The following PRKCH variants were observed in gnomAD, a reference collection of about 807,000 sequenced individuals.
PRKCH encodes protein kinase C eta.
Under a neutral mutation model 82.5 loss-of-function variants are expected in PRKCH, and 28 were observed. The observed-to-expected ratio is 0.34, with a 90% confidence interval of 0.25 to 0.47. The LOEUF (loss-of-function observed/expected upper bound fraction) is 0.47, where lower values mean the gene tolerates loss of function less well. Ranked by LOEUF, PRKCH falls within the 20% of genes least tolerant of loss-of-function variation. PRKCH has a pLI of 1.00. For synonymous variants in PRKCH, 322 were observed against 327.4 expected (o/e 0.98, Z 0.18); for missense variants, 705 against 881.8 (o/e 0.80, Z 2.54).
intron 9 of PRKCH, among the ~76,000 whole-genome samples, chr14:61,462,534 G>GCATT (rs1329942787): frequency 1.3e-5 from 2 of 152,208 alleles, no homozygotes; most frequent in African/African-American, 4.8e-5. Context: ...TGCTCGCTGT[G>GCATT]CATTCGTCTG....
chr14:61,547,988 C>G, intron 13 of PRKCH, 102 bp downstream of exon 13: 1 of 1,472,312 alleles, frequency 6.8e-7, no homozygotes, highest in Non-Finnish European at 9.2e-7. Context: ...GGTGACAGAC[C>G]AGAAATTCAG....
intron 2 of PRKCH, among the ~76,000 whole-genome samples, chr14:61,433,043 C>CAAAGAAAAAAAAAA (rs1883490904): frequency 9.0e-6 from 1 of 110,968 alleles, no homozygotes; most frequent in African/African-American, 3.7e-5. Context: ...CCAACCTCTT[C>CAAAGAAAAAAAAAA]AAAAAAAAAA....
intron 5 of PRKCH, 90 bp downstream of exon 5, chr14:61,449,342 C>T: frequency 8.9e-7 from 1 of 1,123,888 alleles, no homozygotes; most frequent in Non-Finnish European, 1.3e-6. Flanking sequence ...CTCCTTTCCT[C>T]CCCCTCTTTT....
intron 1 of PRKCH, chr14:61,278,834 A>G (rs999125188): frequency 6.6e-6 from 1 of 152,222 alleles, no homozygotes; most frequent in African/African-American, 2.4e-5. Flanking sequence ...AATCTTAAGA[A>G]TCTAGTTTAC....
At chr14:61,455,409 C>T (rs1009126823) in intron 7 of PRKCH, among the ~76,000 whole-genome samples, 1 of 152,128 alleles carries the variant, frequency 6.6e-6, no homozygotes, top group African/African-American at 2.4e-5. Flanking sequence ...ACTAAATCAG[C>T]AATGACTGTT....
chr14:61,456,798 G>T (rs1356609892), intron 7 of PRKCH: 2 of 180,002 alleles, frequency 1.1e-5, no homozygotes, highest in Non-Finnish European at 1.2e-5. Context: ...GTAGACATGA[G>T]AACTGCTCTC....
chr14:61,389,704 A>AG (rs2046645608), intron 1 of PRKCH, among the ~76,000 whole-genome samples: 2 of 152,006 alleles, frequency 1.3e-5, no homozygotes, highest in African/African-American at 4.8e-5. Context: ...GTCTCAAAAA[A>AG]AAAAAAAAAG....
intron 10 of PRKCH, chr14:61,525,034 G>T (rs2042948863): frequency 6.6e-6 from 1 of 152,290 alleles, no homozygotes; most frequent in African/African-American, 2.4e-5. Flanking sequence ...AAATGCTTCT[G>T]TTTATCCCTT....
Position 61,331,544 on chromosome 14 carries a change from C to A in PRKCH, c.363+9080C>A, listed in dbSNP as rs115370502. Among the ~76,000 whole-genome samples the A allele has an allele frequency of 9.2e-3, 1,396 of 152,038 alleles. 25 individuals are homozygous for A. Among genetic ancestry groups the A allele is most frequent in the African/African-American group, 0.03 (1,247 of 41,482 alleles). On this transcript the variant is annotated intron_variant, in intron 1 of 13. Transcript: ENST00000332981. ...TCAAAAAAAGAAACAACAACAACAA[C>A]AAAAAAACCCCTCTTTTTATTTCGT...
intron 1 of PRKCH, among the ~76,000 whole-genome samples, chr14:61,282,648 A>G: frequency 6.6e-6 from 1 of 152,192 alleles, no homozygotes; most frequent in Non-Finnish European, 1.5e-5. Context: ...AGCCAATAAT[A>G]GCTATGAATC....
At chr14:61,277,396 A>G (rs1191730210) in intron 1 of PRKCH, 1 of 152,070 alleles carries the variant, frequency 6.6e-6, no homozygotes, top group Non-Finnish European at 1.5e-5. Context: ...TTATTTTACA[A>G]AGTTAGGTCA....
chr14:61,484,385 G>A (rs1019905052), intron 9 of PRKCH, among the ~76,000 whole-genome samples: 6 of 148,556 alleles, frequency 4.0e-5, no homozygotes, highest in Non-Finnish European at 7.4e-5. Context: ...ATGGGATCCC[G>A]GCTCCGAACT....
rs1177330807 is a variant in PRKCH at position 61,322,250 on chromosome 14, ACCAGGTGCGCGTGGG to A, written c.154_168del (p.Val52_Gln56del). On this transcript the variant is annotated inframe_deletion, in exon 1 of 14. Transcript: ENST00000332981. ...GACCCCTATCTGACGGTGAGCGTGG[ACCAGGTGCGCGTGGG>A]CCAGACCAGCACCAAGCAGAAGACC... is the stretch of plus-strand genomic sequence containing the variant. 6.2e-7 allele frequency: 1 copy of A among 1,613,186 alleles called. No individual in the cohort carries two copies. The highest frequency in any genetic ancestry group is 8.5e-7 in the Non-Finnish European group (1 of 1,179,854).
intron 1 of PRKCH, among the ~76,000 whole-genome samples, chr14:61,288,971 C>T (rs2045338201): frequency 6.6e-6 from 1 of 152,240 alleles, no homozygotes; most frequent in African/African-American, 2.4e-5. Context: ...GCTCCCTTCT[C>T]TCTGCATTGT....
intron 10 of PRKCH, among the ~76,000 whole-genome samples, chr14:61,516,824 C>T (rs1232776591): frequency 1.3e-5 from 2 of 152,148 alleles, no homozygotes; most frequent in Non-Finnish European, 2.9e-5. Context: ...CCAGACCTGA[C>T]CTTAGAGTTT....
At chr14:61,243,716 T>C (rs1251652251) in intron 1 of PRKCH, among the ~76,000 whole-genome samples, 1 of 152,204 alleles carries the variant, frequency 6.6e-6, no homozygotes, top group Non-Finnish European at 1.5e-5. Flanking sequence ...TCATTTGTTA[T>C]CTGTAAGGAG....
At position 61,280,539 on chromosome 14, in the gene PRKCH, G is replaced by T. The variant is rs779365636; in HGVS notation, c.-19+92871G>T. ...CCAGCGGCGGGTTGCGGAACTTGAC[G>T]TGGTAGTCGGTCCACCAGGCGATGC... On this transcript the variant is annotated intron_variant, in intron 1 of 3. Transcript: ENST00000555185. This position sits in a 1 kb window ranked among gnomAD's most constrained non-coding sequence, Gnocchi z 5.0. 1.8e-5 allele frequency: 29 copies of T among 1,611,878 alleles called. No individual in the cohort carries two copies. The highest frequency in any genetic ancestry group is 2.5e-5 in the Non-Finnish European group (29 of 1,179,374).
At chr14:61,325,666 A>G (rs2045685776) in intron 1 of PRKCH, among the ~76,000 whole-genome samples, 1 of 152,228 alleles carries the variant, frequency 6.6e-6, no homozygotes, top group African/African-American at 2.4e-5. Context: ...AAGAAAATAA[A>G]AACCCAAGCC....
rs757220300 is a variant in PRKCH at position 61,339,622 on chromosome 14, CTTTTTT to C, written c.363+17177_363+17182del. ...ACAGGCGTGAGCCACCAAGCCCGGC[CTTTTTT>C]TTTTTTTTTTTTTTTTTTATAATTA... is the stretch of plus-strand genomic sequence containing the variant. On this transcript the variant is annotated intron_variant, in intron 1 of 13. Transcript: ENST00000332981. Among the ~76,000 whole-genome samples the C allele has an allele frequency of 2.0e-4, 12 of 60,030 alleles. No homozygotes were observed. The East Asian group carries it at 3.3e-3, about 16-fold the overall frequency. 39.4% of individuals were successfully genotyped at this position (60,030 alleles called of 152,430 possible).
Sources: gnomAD v4.1 joint callset for allele counts (sites outside exome capture counted in the v4.1 genomes callset) on GRCh38, gnomAD v4.1.1 for gene constraint, Gnocchi (gnomAD v3.1) non-coding constraint, MANE v1.5 for transcripts, NCBI Gene and HGNC (gene_info 2026-07-23, HGNC 2026-07-21) for gene names.